FAM228B: variants seen among roughly 807,000 people sequenced by gnomAD.
The protein encoded by FAM228B is protein FAM228B.
In FAM228B, 38 loss-of-function variants were observed where a neutral mutation model predicts 42.6. That is an observed-to-expected ratio of 0.89 (90% CI 0.69 to 1.17). The LOEUF (loss-of-function observed/expected upper bound fraction) is 1.17. Ranked by LOEUF, FAM228B falls within the 50% of genes most tolerant of loss-of-function variation. The pLI, the probability that FAM228B is intolerant of heterozygous loss-of-function variation, is 0.00. For synonymous variants in FAM228B, 109 were observed against 122.3 expected (o/e 0.89, Z 0.72); for missense variants, 344 against 367.3 (o/e 0.94, Z 0.52).
At chr2:24,106,903 G>A (rs965775843) in intron 3 of FAM228B, among the ~76,000 whole-genome samples, 6 of 152,110 alleles carry the variant, frequency 3.9e-5, no homozygotes, top group Non-Finnish European at 5.9e-5. Context: ...CTAACATGAT[G>A]ACAGGATCAA....
chr2:24,163,027 T>C (rs1667319384), intron 8 of FAM228B, among the ~76,000 whole-genome samples: 1 of 152,088 alleles, frequency 6.6e-6, no homozygotes, highest in Admixed American at 6.5e-5. Flanking sequence ...CTAAAAACCA[T>C]TGACTTGTAC....
chr2:24,133,857 C>T (rs568105585), intron 2 of FAM228B, among the ~76,000 whole-genome samples: 25 of 152,008 alleles, frequency 1.6e-4, no homozygotes, highest in Non-Finnish European at 2.9e-4. Context: ...GGGTACAGTG[C>T]GCTATGATCA....
Position 24,077,339 on chromosome 2 carries a change from C to A in FAM228B, c.-290+370C>A. 1.7e-5 allele frequency: 7 copies of A among 400,602 alleles called. No homozygotes were observed. Among genetic ancestry groups the A allele is most frequent in the Non-Finnish European group, 3.2e-5 (7 of 220,350 alleles). The allele number at this position is 400,602 out of a possible 1,614,324, so 24.8% of individuals were successfully genotyped here. A position where few individuals can be genotyped will look rare whatever the true frequency, so the allele number is the denominator to read the frequency against. On this transcript the variant is annotated intron_variant, in intron 1 of 10. Transcript: ENST00000613899. This position sits in a 1 kb window ranked among gnomAD's most constrained non-coding sequence, Gnocchi z 5.5. Reference sequence around the variant, plus strand: ...TCCCTGGAGGGGCCCTCAGGTTGAGCGTCAGCTGATCGGGCCTCAGTAATC... The same window carrying A: ...TCCCTGGAGGGGCCCTCAGGTTGAGAGTCAGCTGATCGGGCCTCAGTAATC...
At chr2:24,082,739 A>G (rs1573721115) in intron 2 of FAM228B, 1 of 1,144,976 alleles carries the variant, frequency 8.7e-7, no homozygotes, top group Non-Finnish European at 1.2e-6. Flanking sequence ...TCAACATTAA[A>G]CCCTTCTAAC....
At chr2:24,161,851 C>T (rs561136420) in intron 8 of FAM228B, among the ~76,000 whole-genome samples, 1 of 152,322 alleles carries the variant, frequency 6.6e-6, no homozygotes, top group East Asian at 1.9e-4. Flanking sequence ...GTAATCCCAG[C>T]ACTTTGGGAG....
At chr2:24,120,872 CTT>C (rs35518003), upstream of FAM228B, among the ~76,000 whole-genome samples, 129 of 141,624 alleles carry the variant, frequency 9.1e-4, no homozygotes, top group Non-Finnish European at 8.3e-4. Context: ...ATGATTATCT[CTT>C]TTTTTTTTTT....
chr2:24,108,990 A>G (rs6545275), intron 3 of FAM228B, among the ~76,000 whole-genome samples: 43,878 of 151,764 alleles, frequency 0.29, 6,727 homozygotes, highest in South Asian at 0.39. Flanking sequence ...AGCAAAGCTG[A>G]AGGCATCACC....
At chr2:24,114,309 G>A (rs1022914115) in intron 3 of FAM228B, among the ~76,000 whole-genome samples, 1 of 152,150 alleles carries the variant, frequency 6.6e-6, no homozygotes, top group South Asian at 2.1e-4. Flanking sequence ...GATCGAATGT[G>A]TTCCCTCTCC....
At chr2:24,112,387 G>A (rs889747141) in intron 3 of FAM228B, among the ~76,000 whole-genome samples, 2 of 143,818 alleles carry the variant, frequency 1.4e-5, no homozygotes, top group South Asian at 2.2e-4. Context: ...TGCAACCTCC[G>A]CCTCCTGGGT....
chr2:24,114,636 T>C (rs1665858332), intron 3 of FAM228B, among the ~76,000 whole-genome samples: 1 of 152,198 alleles, frequency 6.6e-6, no homozygotes, highest in East Asian at 1.9e-4. Flanking sequence ...TTTTTTTAAG[T>C]AGTCGAAGGT....
chr2:24,115,116 A>G (rs1249360776), intron 3 of FAM228B, among the ~76,000 whole-genome samples: 3 of 152,230 alleles, frequency 2.0e-5, no homozygotes, highest in Non-Finnish European at 4.4e-5. Context: ...CAGGAGGGGT[A>G]ACACTGAGCT....
At chr2:24,139,323 A>G in intron 4 of FAM228B, 47 bp from the exon 5 acceptor site, 1 of 1,157,758 alleles carries the variant, frequency 8.6e-7, no homozygotes, top group South Asian at 1.4e-5. Context: ...CTCAAAATTA[A>G]CTGTGCACCT....
chr2:24,156,010 A>T (rs950962518), intron 7 of FAM228B, among the ~76,000 whole-genome samples: 4 of 152,176 alleles, frequency 2.6e-5, no homozygotes, highest in African/African-American at 9.7e-5. Context: ...GAAGGTGCTG[A>T]TGGGGCCAGG....
chr2:24,116,886 AAAG>A (rs1223485080), intron 3 of FAM228B, among the ~76,000 whole-genome samples: 3 of 148,660 alleles, frequency 2.0e-5, no homozygotes, highest in Non-Finnish European at 4.5e-5. Flanking sequence ...CAAAAAAAAA[AAAG>A]AAAAAGAAAA....
Position 24,157,062 on chromosome 2 carries a change from A to G in FAM228B, c.687-4444A>G, listed in dbSNP as rs573176228. ...CAGTTCAAAGACTTTTTAAATTTCTATCTTGATTTCATTGTTGACCCAATG... is the reference window on the plus strand; with the variant it reads ...CAGTTCAAAGACTTTTTAAATTTCTGTCTTGATTTCATTGTTGACCCAATG... On this transcript the variant is annotated intron_variant, in intron 7 of 10. Coordinates refer to ENST00000615575, the MANE Select transcript of FAM228B (RefSeq NM_001145710.2). Among the ~76,000 whole-genome samples, 7 of 152,198 alleles carry G rather than the reference A, an allele frequency of 4.6e-5. No homozygotes were observed. The East Asian group carries it at 9.6e-4, about 21-fold the overall frequency.
intron 7 of FAM228B, 59 bp downstream of exon 7, chr2:24,147,145 T>G: frequency 8.7e-7 from 1 of 1,148,036 alleles, no homozygotes; most frequent in Non-Finnish European, 1.2e-6. Flanking sequence ...TTCTTCAGAC[T>G]GATATAACAT....
intron 3 of FAM228B, among the ~76,000 whole-genome samples, chr2:24,108,915 A>T (rs1451555195): frequency 3.3e-5 from 5 of 151,770 alleles, no homozygotes; most frequent in Non-Finnish European, 7.4e-5. Flanking sequence ...AAAAAAAAAA[A>T]AGAAAAAGCT....
At chr2:24,119,694 A>G, upstream of FAM228B, 2 of 1,588,726 alleles carry the variant, frequency 1.3e-6, no homozygotes, top group Non-Finnish European at 1.7e-6. Context: ...TGTATAAAGA[A>G]TATAAGAGAA....
At chr2:24,079,554 C>T (rs759101248) in intron 1 of FAM228B, 2 of 1,614,158 alleles carry the variant, frequency 1.2e-6, no homozygotes, top group Non-Finnish European at 1.7e-6. Context: ...CCATAGAGAA[C>T]CCATCGACCA....
Sources: allele counts gnomAD v4.1 joint callset (sites outside exome capture counted in the v4.1 genomes callset), GRCh38; gene constraint gnomAD v4.1.1; non-coding constraint Gnocchi (gnomAD v3.1); transcripts MANE v1.5; gene names NCBI Gene and HGNC (gene_info 2026-07-23, HGNC 2026-07-21).